ANAPC10: variants seen among roughly 807,000 people sequenced by gnomAD.
ANAPC10 encodes the protein anaphase promoting complex subunit 10, also known as anaphase-promoting complex subunit 10.
In ANAPC10, 12 loss-of-function variants were observed where a neutral mutation model predicts 22.0. That is an observed-to-expected ratio of 0.55 (90% CI 0.35 to 0.88). ANAPC10 has a LOEUF of 0.88. ANAPC10 is among the 40% of genes least tolerant of loss of function. The probability of loss-of-function intolerance (pLI) is 0.01; values close to 1 mark genes in which losing one functional copy is unlikely to be tolerated. For synonymous variants in ANAPC10, 65 were observed against 69.5 expected, an observed-to-expected ratio of 0.94 and a Z score of 0.32; for missense variants, 188 against 220.9, an observed-to-expected ratio of 0.85 and a Z score of 0.94.
chr4:145,020,509 G>A (rs1735818924), intron 4 of ANAPC10, among the ~76,000 whole-genome samples: 1 of 152,034 alleles, frequency 6.6e-6, no homozygotes, highest in South Asian at 2.1e-4. Flanking sequence ...CATTCCCTCT[G>A]AGAACTGGAA....
intron 4 of ANAPC10, among the ~76,000 whole-genome samples, chr4:145,018,258 T>G (rs932016721): frequency 2.0e-5 from 3 of 151,946 alleles, no homozygotes; most frequent in Admixed American, 1.3e-4. Flanking sequence ...AATGGAATGG[T>G]ACCTCACATC....
At chr4:145,044,957 C>T (rs1740073961) in intron 4 of ANAPC10, among the ~76,000 whole-genome samples, 1 of 151,828 alleles carries the variant, frequency 6.6e-6, no homozygotes, top group Admixed American at 6.6e-5. Context: ...TATAGAAGTT[C>T]ACTATAAACA....
intron 4 of ANAPC10, among the ~76,000 whole-genome samples, chr4:145,044,324 AGG>A (rs1739962646): frequency 6.6e-6 from 1 of 152,168 alleles, no homozygotes. Flanking sequence ...ATACAGAACA[AGG>A]GTAAAAAAAT....
chr4:145,083,471 T>C (rs2126606332), intron 2 of ANAPC10, among the ~76,000 whole-genome samples: 1 of 152,264 alleles, frequency 6.6e-6, no homozygotes, highest in African/African-American at 2.4e-5. Flanking sequence ...CCTGGGTCAT[T>C]TGAATCTTTA....
intron 4 of ANAPC10, among the ~76,000 whole-genome samples, chr4:145,051,487 T>C (rs549475640): frequency 6.2e-4 from 94 of 152,238 alleles, no homozygotes; most frequent in Middle Eastern, 3.4e-3. Context: ...ATGGTGCCAA[T>C]AGACTTCCTT....
chr4:145,064,517 T>C lies in ANAPC10; in HGVS notation c.327+55A>G, dbSNP rs1047641622. ...TAATGTAATGTCAACTGTGACTATC[T>C]TCTAATGAGTAAAAGTTAAAGGATG... On this transcript the variant is annotated intron_variant, in intron 4 of 4. Transcript: ENST00000507656. The C allele has an allele frequency of 1.8e-5, 26 of 1,449,124 alleles. No individual in the cohort carries two copies. In the Admixed American group the frequency reaches 4.5e-4, roughly 25 times the overall value. The allele number at this position is 1,449,124 out of a possible 1,614,324, so 89.8% of individuals were successfully genotyped here. A position where few individuals can be genotyped will look rare whatever the true frequency, so the allele number is the denominator to read the frequency against.
At chr4:145,020,062 G>T (rs1578931400) in intron 4 of ANAPC10, among the ~76,000 whole-genome samples, 1 of 152,110 alleles carries the variant, frequency 6.6e-6, no homozygotes, top group South Asian at 2.1e-4. Context: ...AGAGAAAGAG[G>T]GAACCCTCCC....
chr4:145,027,618 AG>A, intron 4 of ANAPC10, among the ~76,000 whole-genome samples: 1 of 152,230 alleles, frequency 6.6e-6, no homozygotes, highest in Non-Finnish European at 1.5e-5. Flanking sequence ...AAGCTACTTG[AG>A]AGAAAAATAG....
At chr4:145,030,620 T>C (rs1737420189) in intron 4 of ANAPC10, among the ~76,000 whole-genome samples, 1 of 152,188 alleles carries the variant, frequency 6.6e-6, no homozygotes, top group Non-Finnish European at 1.5e-5. Context: ...CCCAGACTCA[T>C]CCTGTGGTCA....
At chr4:145,029,411 C>T (rs1328681982) in intron 4 of ANAPC10, among the ~76,000 whole-genome samples, 1 of 152,058 alleles carries the variant, frequency 6.6e-6, no homozygotes, top group African/African-American at 2.4e-5. Context: ...TGGCAGGACC[C>T]TGGAGGTGAA....
At chr4:145,064,443 C>A in intron 4 of ANAPC10, 129 bp downstream of exon 4, 1 of 672,102 alleles carries the variant, frequency 1.5e-6, no homozygotes, top group Non-Finnish European at 2.2e-6. Flanking sequence ...TACACTCAAA[C>A]ATGTTTTCTC....
intron 3 of ANAPC10, 100 bp downstream of exon 3, chr4:145,081,560 T>C: frequency 1.4e-6 from 1 of 729,566 alleles, no homozygotes; most frequent in South Asian, 2.1e-5. Context: ...AAGTTAAGTG[T>C]ATTTCATTGT....
intron 2 of ANAPC10, among the ~76,000 whole-genome samples, chr4:145,093,454 A>T (rs1437599079): frequency 6.6e-6 from 1 of 151,964 alleles, no homozygotes; most frequent in East Asian, 1.9e-4. Context: ...AAAAAAAAAG[A>T]CAAACAAAAA....
chr4:145,089,476 GATTAA>G (rs1380924748), intron 2 of ANAPC10, among the ~76,000 whole-genome samples: 1 of 152,070 alleles, frequency 6.6e-6, no homozygotes, highest in Admixed American at 6.5e-5. Context: ...CTTATGAAAT[GATTAA>G]ATTATTTTAA....
At chr4:145,067,254 GCAGTAGCT>G (rs1187626599) in intron 3 of ANAPC10, among the ~76,000 whole-genome samples, 1 of 152,068 alleles carries the variant, frequency 6.6e-6, no homozygotes, top group Non-Finnish European at 1.5e-5. Context: ...ACACATAGAG[GCAGTAGCT>G]CAAACTGCTC....
rs898622787 is a variant in ANAPC10, at chr4:145,074,052, A to G, written c.206+7608T>C. Among the ~76,000 whole-genome samples the G allele has an allele frequency of 5.9e-5, 9 of 151,978 alleles. No homozygotes were observed. The East Asian group carries it at 1.7e-3, about 29-fold the overall frequency. ...AATTTTCCTTAAAATATTATTCCCA[A>G]TATTCCTTAAAAAATTATTAACGAA... On this transcript the variant is annotated intron_variant, in intron 3 of 4. Transcript: ENST00000507656.
intron 4 of ANAPC10, among the ~76,000 whole-genome samples, chr4:145,037,172 C>T (rs1738706158): frequency 6.6e-6 from 1 of 152,144 alleles, no homozygotes; most frequent in Admixed American, 6.5e-5. Context: ...TTTCCAAGTC[C>T]TTCATACTCC....
chr4:145,039,128 T>C (rs968081028), intron 4 of ANAPC10, among the ~76,000 whole-genome samples: 6 of 140,532 alleles, frequency 4.3e-5, no homozygotes, highest in South Asian at 4.5e-4. Flanking sequence ...CAGAGAAAAA[T>C]AGGTCACATG....
intron 2 of ANAPC10, among the ~76,000 whole-genome samples, chr4:145,086,394 T>C (rs140163369): frequency 1.3e-5 from 2 of 152,320 alleles, no homozygotes; most frequent in African/African-American, 4.8e-5. Context: ...AGGTACTGGT[T>C]CTCCAATGCA....
Sources: gnomAD v4.1 joint callset for allele counts (sites outside exome capture counted in the v4.1 genomes callset) on GRCh38, gnomAD v4.1.1 for gene constraint, MANE v1.5 for transcripts, NCBI Gene and HGNC (gene_info 2026-07-23, HGNC 2026-07-21) for gene names.